CDC42BPB: variants seen among roughly 807,000 people sequenced by gnomAD.
CDC42BPB encodes CDC42 binding protein kinase beta, also known as serine/threonine-protein kinase MRCK beta.
In CDC42BPB, 37 loss-of-function variants were observed where a neutral mutation model predicts 214.9. The ratio of observed to expected loss-of-function variants is 0.17; its 90% CI spans 0.13 to 0.23. The LOEUF (loss-of-function observed/expected upper bound fraction) is 0.23. Ranked by LOEUF, CDC42BPB falls within the 10% of genes least tolerant of loss-of-function variation. CDC42BPB has a pLI of 1.00. For synonymous variants in CDC42BPB, 931 were observed against 884.0 expected, an observed-to-expected ratio of 1.05 and a Z score of -0.94; for missense variants, 1,694 against 2,227.0, an observed-to-expected ratio of 0.76 and a Z score of 4.82.
rs1286344814 is a variant in CDC42BPB at position 103,004,069 on chromosome 14, G to A, written c.352-46C>T. 2 of 1,538,278 alleles carry A rather than the reference G, an allele frequency of 1.3e-6. No individual in the cohort carries two copies. The highest frequency in any genetic ancestry group is 1.8e-6 in the Non-Finnish European group (2 of 1,142,450). On this transcript the variant is annotated intron_variant, in intron 3 of 36. Transcript: ENST00000361246. This position sits in a 1 kb window ranked among gnomAD's most constrained non-coding sequence, Gnocchi z 5.3. ...TCAGTCTGTGTTCACTGGGAAGCAG[G>A]CCAGAGAGCGTACTGCCGGTCTCGG...
chr14:102,946,224 C>G (rs34433172), intron 28 of CDC42BPB, among the ~76,000 whole-genome samples: 7 of 151,904 alleles, frequency 4.6e-5, no homozygotes, highest in Admixed American at 4.6e-4. Flanking sequence ...AGGGTTTCAC[C>G]GTGTTAGCCA....
intron 12 of CDC42BPB, among the ~76,000 whole-genome samples, chr14:102,973,662 C>T (rs1344569525): frequency 6.6e-6 from 1 of 152,166 alleles, no homozygotes; most frequent in East Asian, 1.9e-4. Context: ...CTGTGCACGG[C>T]CACCATGCCC....
chr14:103,056,977 G>T, intron 1 of CDC42BPB, 22 bp downstream of exon 1: 1 of 1,385,034 alleles, frequency 7.2e-7, no homozygotes, highest in Non-Finnish European at 9.4e-7. Flanking sequence ...CCGCAGGTCC[G>T]GCCCTGCCGG....
At chr14:102,986,381 GAATT>G in intron 6 of CDC42BPB, 102 bp downstream of exon 6, 1 of 687,320 alleles carries the variant, frequency 1.5e-6, no homozygotes, top group East Asian at 2.7e-5. Context: ...TTCATTTTCT[GAATT>G]AATATACTTG....
intron 1 of CDC42BPB, among the ~76,000 whole-genome samples, chr14:103,030,712 G>A (rs1887322211): frequency 6.6e-6 from 1 of 150,394 alleles, no homozygotes; most frequent in Non-Finnish European, 1.5e-5. Flanking sequence ...AAGTGTTCAG[G>A]GCTGGCTCAC....
At chr14:103,043,619 T>C (rs936717800) in intron 1 of CDC42BPB, among the ~76,000 whole-genome samples, 2 of 151,840 alleles carry the variant, frequency 1.3e-5, no homozygotes, top group Non-Finnish European at 2.9e-5. Context: ...ACACCAACAC[T>C]GAACTGTATG....
chr14:103,034,029 G>GT (rs1297699330), intron 1 of CDC42BPB, among the ~76,000 whole-genome samples: 4 of 152,172 alleles, frequency 2.6e-5, no homozygotes, highest in Non-Finnish European at 4.4e-5. Context: ...AGTATTCAGC[G>GT]TAACATATCT....
intron 2 of CDC42BPB, among the ~76,000 whole-genome samples, chr14:103,010,547 C>T (rs1393975978): frequency 6.6e-6 from 1 of 152,202 alleles, no homozygotes; most frequent in Non-Finnish European, 1.5e-5. Flanking sequence ...ACGCCCTGCA[C>T]AGCAAAGGCC....
At chr14:102,949,713 A>G in intron 26 of CDC42BPB, 52 bp downstream of exon 26, 1 of 1,608,720 alleles carries the variant, frequency 6.2e-7, no homozygotes, top group South Asian at 1.1e-5. Flanking sequence ...TTTTGGCTAA[A>G]GATAGCTGAG....
At chr14:103,038,458 C>T (rs1037257641) in intron 1 of CDC42BPB, among the ~76,000 whole-genome samples, 2 of 152,056 alleles carry the variant, frequency 1.3e-5, no homozygotes, top group Non-Finnish European at 2.9e-5. Context: ...GGACACTACA[C>T]AATAACCACA....
intron 20 of CDC42BPB, among the ~76,000 whole-genome samples, chr14:102,960,538 C>G (rs990636113): frequency 1.3e-5 from 2 of 152,148 alleles, no homozygotes; most frequent in African/African-American, 4.8e-5. Flanking sequence ...AGGAGGATCA[C>G]TTGAGCTGGG....
At chr14:102,982,895 T>C (rs1162148408) in intron 7 of CDC42BPB, among the ~76,000 whole-genome samples, 1 of 151,002 alleles carries the variant, frequency 6.6e-6, no homozygotes, top group African/African-American at 2.4e-5. Context: ...GAAAGACACA[T>C]GACTAAGGAA....
At chr14:102,935,013 CAAA>C (rs35596449) in intron 36 of CDC42BPB, among the ~76,000 whole-genome samples, 8 of 71,364 alleles carry the variant, frequency 1.1e-4, no homozygotes, top group Admixed American at 1.4e-4. Context: ...GACTCTGTCT[CAAA>C]AAAAAAAAAA....
chr14:102,985,397 T>A (rs1211747994), intron 6 of CDC42BPB, among the ~76,000 whole-genome samples: 1 of 150,268 alleles, frequency 6.7e-6, no homozygotes, highest in African/African-American at 2.5e-5. Flanking sequence ...GACAGGGTGG[T>A]GTGGAGGTCA....
intron 27 of CDC42BPB, 132 bp from the exon 28 acceptor site, chr14:102,946,816 T>G: frequency 2.1e-6 from 3 of 1,457,222 alleles, no homozygotes; most frequent in Non-Finnish European, 2.7e-6. Flanking sequence ...CAGGGACCCC[T>G]GACTCCACCT....
At chr14:103,016,275 C>T (rs1886454382) in intron 1 of CDC42BPB, among the ~76,000 whole-genome samples, 1 of 152,240 alleles carries the variant, frequency 6.6e-6, no homozygotes, top group African/African-American at 2.4e-5. Context: ...AGGAACTTCG[C>T]TGCCAGGATG....
intron 1 of CDC42BPB, among the ~76,000 whole-genome samples, chr14:103,016,756 C>A (rs779149971): frequency 1.7e-4 from 26 of 152,134 alleles, no homozygotes; most frequent in Non-Finnish European, 3.5e-4. Flanking sequence ...TATAGACAGA[C>A]AGATACAGGG....
At position 102,933,386 on chromosome 14, in the gene CDC42BPB, C is replaced by G; in HGVS notation, c.*326G>C. 4.0e-6 allele frequency: 1 copy of G among 249,808 alleles called. No individual in the cohort carries two copies. The highest frequency in any genetic ancestry group is 7.6e-6 in the Non-Finnish European group (1 of 131,418). The allele number at this position is 249,808 out of a possible 1,614,324, so 15.5% of individuals were successfully genotyped here. On this transcript the variant is annotated 3_prime_UTR_variant, in exon 37 of 37. Coordinates refer to ENST00000361246, the MANE Select transcript of CDC42BPB (RefSeq NM_006035.4). ...TGCTTCCGAAGCAGCCGCGTCATGA[C>G]GGGTTTCTGCTGAGGAAGTGGTGTT...
At chr14:102,967,244 G>A in intron 16 of CDC42BPB, 74 bp from the exon 17 acceptor site, 1 of 1,524,934 alleles carries the variant, frequency 6.6e-7, no homozygotes, top group Non-Finnish European at 8.8e-7. Flanking sequence ...AACACTGGAA[G>A]TTCTTTTGAA....
Sources: allele counts gnomAD v4.1 joint callset (sites outside exome capture counted in the v4.1 genomes callset), GRCh38; gene constraint gnomAD v4.1.1; non-coding constraint Gnocchi (gnomAD v3.1); transcripts MANE v1.5; gene names NCBI Gene and HGNC (gene_info 2026-07-23, HGNC 2026-07-21).